CTC1: variants seen among roughly 807,000 people sequenced by gnomAD.
CTC1 encodes the protein CST complex subunit CTC1.
CTC1 carries 91 observed loss-of-function variants against 136.3 expected under a neutral mutation model. The ratio of observed to expected loss-of-function variants is 0.67; its 90% CI spans 0.56 to 0.79. The LOEUF (loss-of-function observed/expected upper bound fraction) is 0.79. Among genes scored for constraint, CTC1 ranks in the 30% least tolerant of loss-of-function variants. The pLI is 0.00. For missense variants in CTC1, 1,432 were observed against 1,498.1 expected (o/e 0.96, Z 0.73); for synonymous variants, 606 against 613.8 (o/e 0.99, Z 0.19).
At position 8,229,916 on chromosome 17, in the gene CTC1, T is replaced by C. The variant is rs1987064689; in HGVS notation, c.2986A>G (p.Ser996Gly). ...FRSSTYVQVL[S>G]FPPETTISIP... The stretch of plus-strand genomic sequence containing the variant: ...CTGATGGTGGTCTCAGGGGGAAAAC[T>C]CAGGACCTGCACATAAGTGGATGAC... Residue 996 changes from serine to glycine, a missense_variant, in exon 18 of 23, where the codon AGT becomes GGT. Transcript: ENST00000651323. The C allele has an allele frequency of 9.3e-6, 15 of 1,613,942 alleles. No individual in the cohort carries two copies. Among genetic ancestry groups the C allele is most frequent in the Non-Finnish European group, 1.3e-5 (15 of 1,180,006 alleles).
At chr17:8,244,315 C>T (rs1230865991) in intron 1 of CTC1, among the ~76,000 whole-genome samples, 2 of 152,088 alleles carry the variant, frequency 1.3e-5, no homozygotes, top group Non-Finnish European at 2.9e-5. Context: ...CTTTGTATAC[C>T]TGACACAGAT....
chr17:8,231,583 C>G, intron 14 of CTC1, 114 bp from the exon 15 acceptor site: 1 of 1,231,826 alleles, frequency 8.1e-7, no homozygotes. Flanking sequence ...GGAAGTGTGT[C>G]AACACACACA....
chr17:8,238,444 C>A lies in CTC1; in HGVS notation c.383G>T (p.Cys128Phe), dbSNP rs1339616084. Reference protein sequence around the residue: ...TDLSADLEQECRNGSLYVRDN... With the variant: ...TDLSADLEQEFRNGSLYVRDN... ...TCTCACATAGAGGCTTCCGTTCCTG[C>A]ACTCTTGTTCCAAGTCTGCCGATAG... Residue 128 changes from cysteine to phenylalanine, a missense_variant, in exon 3 of 23, where the codon TGC becomes TTC. By Grantham distance (205) the Cys-to-Phe change is radical (BLOSUM62 -2). Coordinates refer to ENST00000651323, the MANE Select transcript of CTC1 (RefSeq NM_025099.6). 3 of 1,614,228 alleles carry A rather than the reference C, an allele frequency of 1.9e-6. No individual in the cohort carries two copies. The highest frequency in any genetic ancestry group is 2.5e-6 in the Non-Finnish European group (3 of 1,180,046).
At chr17:8,244,155 G>T (rs956284477) in intron 1 of CTC1, among the ~76,000 whole-genome samples, 4 of 152,170 alleles carry the variant, frequency 2.6e-5, no homozygotes, top group Admixed American at 1.3e-4. Flanking sequence ...AAAGGACATA[G>T]GCAGAGTATA....
chr17:8,247,621 T>G, intron 1 of CTC1: 1 of 186,840 alleles, frequency 5.4e-6, no homozygotes, highest in Non-Finnish European at 1.1e-5. Flanking sequence ...TTTCGGCGCT[T>G]TTTGCCTTCT....
chr17:8,237,603 T>TGCA (rs1294136860), intron 4 of CTC1, 84 bp from the exon 5 acceptor site: 2 of 1,166,920 alleles, frequency 1.7e-6, no homozygotes, highest in Non-Finnish European at 2.4e-6. Context: ...AGGCAGAGGT[T>TGCA]GCAGTAAGCT....
At position 8,224,964 on chromosome 17, in the gene CTC1, A is replaced by C. The variant is rs920697701; in HGVS notation, c.*3216T>G. The stretch of plus-strand genomic sequence containing the variant: ...GCGATTCTCTTGCCTCAGCCTCCCA[A>C]GTAGCTAGGACTGCAGGCGCCTGCC... On this transcript the variant is annotated 3_prime_UTR_variant, in exon 23 of 23. Coordinates refer to ENST00000651323, the MANE Select transcript of CTC1 (RefSeq NM_025099.6). 2.0e-5 allele frequency: 3 copies of C among 152,066 alleles called. No homozygotes were observed. The highest frequency in any genetic ancestry group is 7.2e-5 in the African/African-American group (3 of 41,392). 9.4% of individuals were successfully genotyped at this position (152,066 alleles called of 1,614,324 possible).
Position 8,231,346 on chromosome 17 carries a change from C to A in CTC1, c.2599G>T (p.Asp867Tyr). 6.2e-7 allele frequency: 1 copy of A among 1,611,366 alleles called. No homozygotes were observed. Among genetic ancestry groups the A allele is most frequent in the Non-Finnish European group, 8.5e-7 (1 of 1,177,870 alleles). Residue 867 changes from aspartate (D) to tyrosine (Y), a missense_variant, in exon 15 of 23, where the codon GAT becomes TAT. Transcript: ENST00000651323. ...NWTLELESSQ[D>Y]IQDVLDANKS... ...TTTGCATCCAGCACATCTTGGATATCCTGGGAGCTTTCAAGCTCCAGAGTC... is the reference window on the plus strand; with the variant it reads ...TTTGCATCCAGCACATCTTGGATATACTGGGAGCTTTCAAGCTCCAGAGTC...
Position 8,238,767 on chromosome 17 carries a change from A to C in CTC1, c.198-138T>G, listed in dbSNP as rs1218738541. On this transcript the variant is annotated intron_variant, in intron 2 of 22. Transcript: ENST00000651323. ...CTAAGAGGTGAGTTTGATTGATTAA[A>C]GGGGTAAAACCTGGGGCTAAAGGCC... is the stretch of plus-strand genomic sequence containing the variant. The C allele has an allele frequency of 7.8e-6, 5 of 637,290 alleles. No individual in the cohort carries two copies. The African/African-American group carries it at 9.1e-5, about 12-fold the overall frequency. The allele number at this position is 637,290 out of a possible 1,614,324, so 39.5% of individuals were successfully genotyped here.
chr17:8,230,683 A>C, intron 15 of CTC1, 32 bp from the exon 16 acceptor site: 1 of 1,578,374 alleles, frequency 6.3e-7, no homozygotes, highest in Non-Finnish European at 8.7e-7. Flanking sequence ...CTGAGAATGG[A>C]GGCACAAGAA....
In CTC1 at chr17:8,232,967, A is replaced by G; in HGVS notation, c.1884T>C (p.Gly628=). Residue 628 remains glycine, a synonymous_variant, in exon 11 of 23, where the codon GGT becomes GGC. Transcript: ENST00000651323. ...KGCLQLRDQS[G]SLPCLLLAKH... ...TGGCCAGGAGCAGGCAGGGCAGGGA[A>G]CCACTTTGGTCCCGAAGTTGCAGAC... is the stretch of plus-strand genomic sequence containing the variant. 6.2e-7 allele frequency: 1 copy of G among 1,614,134 alleles called. No individual in the cohort carries two copies. Among genetic ancestry groups the G allele is most frequent in the Non-Finnish European group, 8.5e-7 (1 of 1,180,012 alleles).
At chr17:8,229,513 C>G (rs1406441052) in intron 18 of CTC1, 67 bp from the exon 19 acceptor site, 3 of 1,459,098 alleles carry the variant, frequency 2.1e-6, no homozygotes, top group Non-Finnish European at 2.9e-6. Flanking sequence ...GTTCTGAAAG[C>G]AGGGTGGGTC....
At position 8,235,208 on chromosome 17, in the gene CTC1, G is replaced by C; in HGVS notation, c.1284C>G (p.Ala428=). The C allele has an allele frequency of 6.2e-7, 1 of 1,614,146 alleles. No individual in the cohort carries two copies. Among genetic ancestry groups the C allele is most frequent in the South Asian group, 1.1e-5 (1 of 91,088 alleles). The change falls in exon 8 of 23, where the codon GCC becomes GCG. Residue 428 remains alanine, a synonymous_variant. Coordinates refer to ENST00000651323, the MANE Select transcript of CTC1 (RefSeq NM_025099.6). ...GACGAGAGAAGCTTTGAAGCAGAAC[G>C]GCGCCACGGAGGCAGGGGGCGAGCA... The part of the protein sequence containing the change: ...RPVLAPCLRG[A]VLLQSFSRQK...
In CTC1 at chr17:8,228,154, A is replaced by C. The variant is rs982652908; in HGVS notation, c.*26T>G. Reference sequence around the variant, plus strand: ...GCCTTCAGGTTTTCAGCAAGGAAGGACTCTCAGGCCATCCTTGCAGTTCAG... The same window carrying C: ...GCCTTCAGGTTTTCAGCAAGGAAGGCCTCTCAGGCCATCCTTGCAGTTCAG... On this transcript the variant is annotated 3_prime_UTR_variant, in exon 23 of 23. Coordinates refer to ENST00000651323, the MANE Select transcript of CTC1 (RefSeq NM_025099.6). 3 of 1,605,322 alleles carry C rather than the reference A, an allele frequency of 1.9e-6. No homozygotes were observed. The highest frequency in any genetic ancestry group is 1.7e-5 in the Admixed American group (1 of 59,820).
rs200232133 is a variant in CTC1 at position 8,234,741 on chromosome 17, C to T, written c.1617+8G>A. 1.3e-5 allele frequency: 20 copies of T among 1,585,608 alleles called. No homozygotes were observed. Among genetic ancestry groups the T allele is most frequent in the Middle Eastern group, 1.7e-4 (1 of 5,920 alleles). ...TTCTGCCACCATCCTTCCCCCACAT[C>T]CTCATACTTTCTGGAGGGGACAGTG... is the stretch of plus-strand genomic sequence containing the variant. On this transcript the variant is annotated splice_region_variant and intron_variant, in intron 9 of 22. Transcript: ENST00000651323.
rs750104621 is a variant in CTC1 at position 8,232,413 on chromosome 17, G to A, written c.2008C>T (p.Pro670Ser). The A allele has an allele frequency of 7.4e-6, 12 of 1,614,024 alleles. No individual in the cohort carries two copies. Among genetic ancestry groups the A allele is most frequent in the Non-Finnish European group, 1.0e-5 (12 of 1,180,022 alleles). ...GGCATGCTCAGCTCCTTCCAGGAAG[G>A]GAAGCTGCTTCTCACGTCCCTCTCT... Reference protein sequence around the residue: ...IVERDVRSSFPSWKELSMPGF... With the variant: ...IVERDVRSSFSSWKELSMPGF... The change falls in exon 12 of 23, where the codon CCT (proline) becomes TCT (serine). Residue 670 changes from proline to serine, a missense_variant. Physicochemically the swap from Pro to Ser is moderately conservative, Grantham distance 74. Coordinates refer to ENST00000651323, the MANE Select transcript of CTC1 (RefSeq NM_025099.6).
Position 8,234,306 on chromosome 17 carries a change from G to A in CTC1, c.1818+149C>T, listed in dbSNP as rs1215615447. On this transcript the variant is annotated intron_variant, in intron 10 of 22. Coordinates refer to ENST00000651323, the MANE Select transcript of CTC1 (RefSeq NM_025099.6). ...CATTTCTAGTTGCTGCAGAGAGAATGAATTGGAGGGCCAACAACAGATGAA... is the reference window on the plus strand; with the variant it reads ...CATTTCTAGTTGCTGCAGAGAGAATAAATTGGAGGGCCAACAACAGATGAA... The A allele has an allele frequency of 2.3e-5, 18 of 778,988 alleles. No individual in the cohort carries two copies. The East Asian group carries it at 4.8e-4, about 21-fold the overall frequency. The allele number at this position is 778,988 out of a possible 1,614,324, so 48.3% of individuals were successfully genotyped here. A position where few individuals can be genotyped will look rare whatever the true frequency, so the allele number is the denominator to read the frequency against.
At chr17:8,242,520 G>A (rs1314206796) in intron 2 of CTC1, among the ~76,000 whole-genome samples, 1 of 112,822 alleles carries the variant, frequency 8.9e-6, no homozygotes, top group African/African-American at 3.6e-5. Flanking sequence ...TTTTGGAAAT[G>A]ATAGTGTAGA....
intron 7 of CTC1, among the ~76,000 whole-genome samples, chr17:8,235,601 A>G (rs1257372659): frequency 1.3e-5 from 2 of 152,128 alleles, no homozygotes; most frequent in Non-Finnish European, 2.9e-5. Flanking sequence ...TCCAGCTGAA[A>G]GGCCCTTCTG....
Sources: gnomAD v4.1 joint callset for allele counts (sites outside exome capture counted in the v4.1 genomes callset) on GRCh38, gnomAD v4.1.1 for gene constraint, MANE v1.5 for transcripts, NCBI Gene and HGNC (gene_info 2026-07-23, HGNC 2026-07-21) for gene names.